Variants in KLHL32 observed in about 807,000 individuals in gnomAD.
KLHL32 encodes the protein kelch like family member 32, also known as kelch-like protein 32.
KLHL32 carries 35 observed loss-of-function variants against 64.8 expected under a neutral mutation model. The ratio of observed to expected loss-of-function variants is 0.54; its 90% confidence interval spans 0.41 to 0.72. KLHL32 has a LOEUF of 0.72. Among genes scored for constraint, KLHL32 ranks in the 30% least tolerant of loss-of-function variants. The pLI is 0.00. For synonymous variants in KLHL32, 259 were observed against 281.0 expected, an observed-to-expected ratio of 0.92 and a Z score of 0.78; for missense variants, 589 against 768.5, an observed-to-expected ratio of 0.77 and a Z score of 2.76.
At chr6:96,951,526 G>C (rs1035527883) in intron 1 of KLHL32, among the ~76,000 whole-genome samples, 7 of 151,970 alleles carry the variant, frequency 4.6e-5, no homozygotes, top group African/African-American at 1.7e-4. Context: ...AACCATCGCT[G>C]GTAAGGTAGT....
chr6:96,964,575 C>A (rs914703283), intron 1 of KLHL32, among the ~76,000 whole-genome samples: 1 of 152,110 alleles, frequency 6.6e-6, no homozygotes, highest in African/African-American at 2.4e-5. Context: ...ATGGCGTGAA[C>A]CCGGGAGGCG....
At chr6:96,941,376 A>G (rs1771265777) in intron 1 of KLHL32, among the ~76,000 whole-genome samples, 1 of 152,192 alleles carries the variant, frequency 6.6e-6, no homozygotes, top group East Asian at 1.9e-4. Context: ...GCATTTTGAT[A>G]TTTAATTTAA....
At chr6:97,028,975 A>T (rs562422634) in intron 3 of KLHL32, among the ~76,000 whole-genome samples, 1 of 152,324 alleles carries the variant, frequency 6.6e-6, no homozygotes, top group South Asian at 2.1e-4. Context: ...TGAGAGGGCA[A>T]CCCAAGGCTG....
intron 5 of KLHL32, among the ~76,000 whole-genome samples, chr6:97,070,387 A>G (rs1790519379): frequency 6.6e-6 from 1 of 152,192 alleles, no homozygotes; most frequent in Non-Finnish European, 1.5e-5. Flanking sequence ...ATATTTGCCA[A>G]ATAACATTCA....
intron 1 of KLHL32, among the ~76,000 whole-genome samples, chr6:96,949,343 T>C (rs1772297411): frequency 1.3e-5 from 2 of 152,164 alleles, no homozygotes; most frequent in African/African-American, 4.8e-5. Flanking sequence ...CAGTTTTCTC[T>C]TCATGCAATT....
chr6:96,951,385 GAA>G (rs1175446916), intron 1 of KLHL32, among the ~76,000 whole-genome samples: 1 of 152,170 alleles, frequency 6.6e-6, no homozygotes, highest in Non-Finnish European at 1.5e-5. Flanking sequence ...GCAGCAGGAG[GAA>G]AGTTTGCGAC....
chr6:96,989,718 C>CA (rs1777620306), intron 3 of KLHL32, among the ~76,000 whole-genome samples: 1 of 152,088 alleles, frequency 6.6e-6, no homozygotes. Flanking sequence ...TTTCTCCCCC[C>CA]CTCTCTTCCA....
At chr6:97,084,206 C>T (rs1042247155) in intron 5 of KLHL32, among the ~76,000 whole-genome samples, 10 of 152,142 alleles carry the variant, frequency 6.6e-5, no homozygotes, top group Admixed American at 4.6e-4. Flanking sequence ...AACTATTGCT[C>T]ATAATTATAT....
At chr6:97,121,479 A>T (rs1798362612) in intron 7 of KLHL32, among the ~76,000 whole-genome samples, 1 of 152,136 alleles carries the variant, frequency 6.6e-6, no homozygotes, top group Admixed American at 6.6e-5. Flanking sequence ...TCTTTCTGCG[A>T]TTTTACGGTT....
Position 96,962,231 on chromosome 6 carries a change from ATT to A in KLHL32, c.-65-4762_-65-4761del, listed in dbSNP as rs371250783. 2.4e-3 allele frequency among the ~76,000 whole-genome samples: 368 copies of A among 152,354 alleles called. 2 individuals are homozygous for A. The highest frequency in any genetic ancestry group is 8.2e-3 in the African/African-American group (343 of 41,578). On this transcript the variant is annotated intron_variant, in intron 1 of 10. Coordinates refer to ENST00000369261, the MANE Select transcript of KLHL32 (RefSeq NM_052904.4). ...AGTGAGACTCTAGCAACTTTGAAACATTTTAATAAAAATAAAGACTATTAAGA... is the reference window on the plus strand; with the variant it reads ...AGTGAGACTCTAGCAACTTTGAAACATTAATAAAAATAAAGACTATTAAGA...
chr6:97,008,605 G>A (rs1779966941), intron 3 of KLHL32, among the ~76,000 whole-genome samples: 1 of 152,122 alleles, frequency 6.6e-6, no homozygotes, highest in Admixed American at 6.5e-5. Context: ...CAGGGTAAGT[G>A]TTTGTGGAGG....
chr6:97,132,543 G>A, intron 9 of KLHL32, 110 bp from the exon 10 acceptor site: 2 of 742,580 alleles, frequency 2.7e-6, no homozygotes, highest in East Asian at 2.7e-5. Flanking sequence ...ATCCCATGGA[G>A]TATACAAATG....
the KLHL32 span, among the ~76,000 whole-genome samples, chr6:96,918,079 T>G: frequency 6.6e-6 from 1 of 152,168 alleles, no homozygotes; most frequent in Non-Finnish European, 1.5e-5. Flanking sequence ...CACCTTTTCT[T>G]GAGAACCACT....
intron 1 of KLHL32, among the ~76,000 whole-genome samples, chr6:96,946,868 A>G (rs2128005176): frequency 6.6e-6 from 1 of 152,278 alleles, no homozygotes; most frequent in East Asian, 1.9e-4. Context: ...ATGAGAAATG[A>G]TGGTAAAAGA....
At chr6:96,908,093 T>A in the KLHL32 span, among the ~76,000 whole-genome samples, 1 of 152,254 alleles carries the variant, frequency 6.6e-6, no homozygotes, top group Admixed American at 6.5e-5. Context: ...GTGCCTTCTA[T>A]AACAGCTAAA....
At chr6:97,087,161 C>T (rs1793543132) in intron 6 of KLHL32, among the ~76,000 whole-genome samples, 2 of 152,134 alleles carry the variant, frequency 1.3e-5, no homozygotes, top group Admixed American at 1.3e-4. Context: ...TTAAAAGACT[C>T]ACATAAATAT....
At chr6:96,925,117 G>A (rs1242766847) in intron 1 of KLHL32, 91 bp downstream of exon 1, 1 of 152,408 alleles carries the variant, frequency 6.6e-6, no homozygotes, top group East Asian at 1.9e-4. Flanking sequence ...CAGACCCGGA[G>A]TTGACATTTC....
intron 3 of KLHL32, among the ~76,000 whole-genome samples, chr6:97,010,626 T>TA (rs1218622074): frequency 1.3e-5 from 2 of 152,120 alleles, no homozygotes; most frequent in Non-Finnish European, 2.9e-5. Context: ...AGTGTTTTCC[T>TA]AAAAAAATAC....
chr6:97,105,304 C>A, intron 6 of KLHL32: 1 of 384,476 alleles, frequency 2.6e-6, no homozygotes, highest in South Asian at 2.0e-5. Flanking sequence ...ATCATCCATT[C>A]TATTAAAACA....
Sources: allele counts gnomAD v4.1 joint callset (sites outside exome capture counted in the v4.1 genomes callset), GRCh38; gene constraint gnomAD v4.1.1; transcripts MANE v1.5; gene names NCBI Gene and HGNC (gene_info 2026-07-23, HGNC 2026-07-21).